PDE7B: variants seen among roughly 807,000 people sequenced by gnomAD.
PDE7B encodes 3',5'-cyclic-AMP phosphodiesterase 7B.
Under a neutral mutation model 56.2 loss-of-function variants are expected in PDE7B, and 29 were observed. The ratio of observed to expected loss-of-function variants is 0.52; its 90% CI spans 0.38 to 0.70. PDE7B has a LOEUF of 0.70. Ranked by LOEUF, PDE7B falls within the 30% of genes least tolerant of loss-of-function variation. The probability of loss-of-function intolerance (pLI) is 0.00; values close to 1 mark genes in which losing one functional copy is unlikely to be tolerated. For synonymous variants in PDE7B, 197 were observed against 196.9 expected (o/e 1.00, Z 0.00); for missense variants, 490 against 565.0 (o/e 0.87, Z 1.35).
chr6:136,130,427 A>G (rs1391009690), intron 3 of PDE7B, among the ~76,000 whole-genome samples: 1 of 152,160 alleles, frequency 6.6e-6, no homozygotes, highest in African/African-American at 2.4e-5. Flanking sequence ...TGCCATGTGG[A>G]AAGAAAGGCT....
chr6:135,881,919 A>G (rs1346982563), intron 1 of PDE7B, among the ~76,000 whole-genome samples: 1 of 152,246 alleles, frequency 6.6e-6, no homozygotes, highest in Non-Finnish European at 1.5e-5. Context: ...CAAACTTGAG[A>G]AATACCTGTC....
At chr6:136,061,816 T>G (rs934428756) in intron 2 of PDE7B, among the ~76,000 whole-genome samples, 1 of 152,206 alleles carries the variant, frequency 6.6e-6, no homozygotes, top group East Asian at 1.9e-4. Context: ...TGCAACTCTA[T>G]ACCCAGTGCT....
intron 2 of PDE7B, among the ~76,000 whole-genome samples, chr6:135,973,280 T>G (rs1775125949): frequency 6.6e-6 from 1 of 152,098 alleles, no homozygotes; most frequent in Admixed American, 6.5e-5. Context: ...GTCCTCCAGG[T>G]TCTTCCATGT....
intron 1 of PDE7B, among the ~76,000 whole-genome samples, chr6:135,913,861 T>C (rs562684977): frequency 6.6e-6 from 1 of 152,340 alleles, no homozygotes; most frequent in Non-Finnish European, 1.5e-5. Context: ...ATTCCCAGTA[T>C]GAGAATGATG....
intron 1 of PDE7B, among the ~76,000 whole-genome samples, chr6:135,917,565 A>G (rs1035889710): frequency 1.3e-5 from 2 of 150,932 alleles, no homozygotes; most frequent in Non-Finnish European, 3.0e-5. Context: ...GCTAATTTCA[A>G]CATTGTCATT....
Position 136,160,765 on chromosome 6 carries a change from T to TCC in PDE7B, c.711+5010_711+5011dup. Among the ~76,000 whole-genome samples the TCC allele has an allele frequency of 2.0e-5, 3 of 152,126 alleles. No individual in the cohort carries two copies. The South Asian group carries it at 6.2e-4, about 32-fold the overall frequency. On this transcript the variant is annotated intron_variant, in intron 8 of 12. Transcript: ENST00000308191. ...TCCTTCCAGCCTCACTTCCCACCATTCCCCTCCCAGGCTTCTATGCATTGA... is the reference window on the plus strand; with the variant it reads ...TCCTTCCAGCCTCACTTCCCACCATTCCCCCCTCCCAGGCTTCTATGCATTGA...
chr6:136,065,357 A>T (rs1033592777), intron 2 of PDE7B, among the ~76,000 whole-genome samples: 1 of 152,164 alleles, frequency 6.6e-6, no homozygotes, highest in Non-Finnish European at 1.5e-5. Flanking sequence ...TTTTTTCCTC[A>T]TCTGAGAAGT....
At chr6:135,870,502 TAGGTGATATGTACTTGTGAA>T (rs1229167832) in intron 1 of PDE7B, among the ~76,000 whole-genome samples, 1 of 150,114 alleles carries the variant, frequency 6.7e-6, no homozygotes, top group Non-Finnish European at 1.5e-5. Flanking sequence ...CCTATTTATT[TAGGTGATATGTACTTGTGAA>T]ATGTACATTT....
At chr6:136,137,638 A>G (rs1778235338) in intron 3 of PDE7B, among the ~76,000 whole-genome samples, 2 of 152,158 alleles carry the variant, frequency 1.3e-5, no homozygotes, top group African/African-American at 4.8e-5. Flanking sequence ...ATATATTTAC[A>G]GCTTTCTTAA....
chr6:135,862,209 T>C (rs114387805), intron 1 of PDE7B, among the ~76,000 whole-genome samples: 2,654 of 151,986 alleles, frequency 0.017, 70 homozygotes, highest in African/African-American at 0.058. Context: ...CCACTAAGTT[T>C]GATATTTTCT....
chr6:136,164,699 T>C (rs764893715), intron 8 of PDE7B, among the ~76,000 whole-genome samples: 14 of 152,168 alleles, frequency 9.2e-5, no homozygotes, highest in Non-Finnish European at 1.0e-4. Context: ...TAGACTTTCA[T>C]TGCAGAGAAA....
intron 1 of PDE7B, among the ~76,000 whole-genome samples, chr6:135,892,756 G>A (rs1775830524): frequency 6.6e-6 from 1 of 152,166 alleles, no homozygotes; most frequent in African/African-American, 2.4e-5. Context: ...GATTTGAAAT[G>A]TTCAGCTAGC....
At chr6:136,055,101 T>C (rs985338688) in intron 2 of PDE7B, among the ~76,000 whole-genome samples, 1 of 152,212 alleles carries the variant, frequency 6.6e-6, no homozygotes, top group Non-Finnish European at 1.5e-5. Context: ...CATATGTGTA[T>C]AGAATTAGAG....
At chr6:136,012,674 C>G (rs887902404) in intron 2 of PDE7B, 1 of 152,164 alleles carries the variant, frequency 6.6e-6, no homozygotes, top group Non-Finnish European at 1.5e-5. Flanking sequence ...ATCAGGAGAA[C>G]AGGAGAGCAG....
At chr6:136,103,527 TTC>T (rs1777598061) in intron 2 of PDE7B, among the ~76,000 whole-genome samples, 1 of 152,202 alleles carries the variant, frequency 6.6e-6, no homozygotes, top group African/African-American at 2.4e-5. Flanking sequence ...GATCTGGATT[TTC>T]TCTGTCTTTA....
intron 2 of PDE7B, among the ~76,000 whole-genome samples, chr6:135,957,468 C>T (rs1038542847): frequency 2.0e-5 from 3 of 152,116 alleles, no homozygotes; most frequent in African/African-American, 7.2e-5. Context: ...CTGTCCCATG[C>T]TCATAAAGAC....
chr6:135,897,029 T>A (rs1229413132), intron 1 of PDE7B, among the ~76,000 whole-genome samples: 1 of 152,158 alleles, frequency 6.6e-6, no homozygotes, highest in Non-Finnish European at 1.5e-5. Context: ...ACCTCTCTCA[T>A]ACACAAGCAC....
At chr6:135,905,285 G>A (rs1428860376) in intron 1 of PDE7B, among the ~76,000 whole-genome samples, 3 of 151,726 alleles carry the variant, frequency 2.0e-5, no homozygotes, top group Non-Finnish European at 2.9e-5. Flanking sequence ...AAATAGTCCC[G>A]TTTTTTAGAC....
At chr6:135,962,674 G>A (rs1246872609) in intron 2 of PDE7B, among the ~76,000 whole-genome samples, 1 of 152,102 alleles carries the variant, frequency 6.6e-6, no homozygotes, top group Admixed American at 6.5e-5. Flanking sequence ...CTCCCATGGT[G>A]GAATATGCAT....
Sources: gnomAD v4.1 joint callset for allele counts (sites outside exome capture counted in the v4.1 genomes callset) on GRCh38, gnomAD v4.1.1 for gene constraint, MANE v1.5 for transcripts, NCBI Gene and HGNC (gene_info 2026-07-23, HGNC 2026-07-21) for gene names.